Variants in IL1RAPL2 observed in about 807,000 individuals in gnomAD.
IL1RAPL2 encodes the protein interleukin 1 receptor accessory protein like 2.
Under a neutral mutation model 44.1 loss-of-function variants are expected in IL1RAPL2, and 3 were observed. That is an observed-to-expected ratio of 0.07 (90% CI 0.03 to 0.18). The LOEUF is 0.18. Among genes scored for constraint, IL1RAPL2 ranks in the 10% least tolerant of loss-of-function variants. The pLI, the probability that IL1RAPL2 is intolerant of heterozygous loss-of-function variation, is 1.00. For synonymous variants in IL1RAPL2, 181 were observed against 178.8 expected, an observed-to-expected ratio of 1.01 and a Z score of -0.10; for missense variants, 391 against 496.4, an observed-to-expected ratio of 0.79 and a Z score of 2.02.
At chrX:104,695,827 A>G (rs766989370) in intron 2 of IL1RAPL2, among the ~76,000 whole-genome samples, 14 of 110,862 alleles carry the variant, frequency 1.3e-4, no homozygotes, top group Non-Finnish European at 2.1e-4. Flanking sequence ...TTTCGTTTTG[A>G]GATGGCGTCT....
chrX:105,089,017 C>G (rs2032510474), intron 2 of IL1RAPL2, among the ~76,000 whole-genome samples: 1 of 111,345 alleles, frequency 9.0e-6, no homozygotes, highest in South Asian at 3.8e-4. Flanking sequence ...ACCTTCACAT[C>G]TCTTCTAAAG....
At chrX:104,740,585 T>C (rs1233793648) in intron 2 of IL1RAPL2, among the ~76,000 whole-genome samples, 1 of 111,299 alleles carries the variant, frequency 9.0e-6, no homozygotes, top group Non-Finnish European at 1.9e-5. Context: ...TATCTACCTT[T>C]CCTTTTTGTT....
At chrX:104,569,438 CT>C (rs1453338099) in intron 1 of IL1RAPL2, among the ~76,000 whole-genome samples, 5 of 111,778 alleles carry the variant, frequency 4.5e-5, no homozygotes, top group African/African-American at 1.6e-4. Flanking sequence ...GTAGAACATT[CT>C]TGTTTGCCAA....
intron 2 of IL1RAPL2, among the ~76,000 whole-genome samples, chrX:104,775,507 G>A (rs1256712270): frequency 1.8e-5 from 2 of 111,939 alleles, no homozygotes; most frequent in Non-Finnish European, 3.8e-5. Flanking sequence ...CATTTCTGAA[G>A]GGTTTTGTTG....
Position 104,644,149 on chromosome X carries a change from TA to T in IL1RAPL2, c.-19-14745del, listed in dbSNP as rs1929989826. 2.7e-5 allele frequency among the ~76,000 whole-genome samples: 3 copies of T among 111,638 alleles called. No homozygotes were observed. The Admixed American group carries it at 2.9e-4, about 11-fold the overall frequency. On this transcript the variant is annotated intron_variant, in intron 1 of 10. Transcript: ENST00000372582. Reference sequence around the variant, plus strand: ...GGGTACATGTGCACAATATGCAGGTTAGTTACATATGTATACATATTAAAGT... The same window carrying T: ...GGGTACATGTGCACAATATGCAGGTTGTTACATATGTATACATATTAAAGT...
intron 6 of IL1RAPL2, among the ~76,000 whole-genome samples, chrX:105,541,895 T>G (rs2036739428): frequency 9.0e-6 from 1 of 111,287 alleles, no homozygotes; most frequent in Admixed American, 9.6e-5. Context: ...CAAGCCACTA[T>G]CATTCCCACC....
At chrX:104,811,186 GA>G (rs1307180078) in intron 2 of IL1RAPL2, among the ~76,000 whole-genome samples, 1 of 109,607 alleles carries the variant, frequency 9.1e-6, no homozygotes, top group Non-Finnish European at 1.9e-5. Flanking sequence ...AAAAGTAACA[GA>G]AAAAAAACCC....
intron 6 of IL1RAPL2, among the ~76,000 whole-genome samples, chrX:105,690,520 G>T (rs911625003): frequency 2.7e-5 from 3 of 111,566 alleles, no homozygotes; most frequent in African/African-American, 9.7e-5. Context: ...TGATAAATCA[G>T]AAAAGACATA....
chrX:105,333,178 A>G (rs779114920), intron 5 of IL1RAPL2, among the ~76,000 whole-genome samples: 1 of 111,457 alleles, frequency 9.0e-6, no homozygotes, highest in Non-Finnish European at 1.9e-5. Context: ...ACATAGGCCA[A>G]TGGAACAGAA....
In IL1RAPL2 at chrX:104,701,648, C is replaced by T. The variant is rs1396501500; in HGVS notation, c.82+42653C>T. Among the ~76,000 whole-genome samples, 6 of 111,679 alleles carry T rather than the reference C, an allele frequency of 5.4e-5. No homozygotes were observed. The East Asian group carries it at 1.4e-3, about 26-fold the overall frequency. The stretch of plus-strand genomic sequence containing the variant: ...TCATGATGGATGCTAAATCTTCCAA[C>T]GGAGCCATGAAGGTCCATTGGCTAA... On this transcript the variant is annotated intron_variant, in intron 2 of 10. Coordinates refer to ENST00000372582, the MANE Select transcript of IL1RAPL2 (RefSeq NM_017416.2).
chrX:104,816,976 A>C (rs1303779227), intron 2 of IL1RAPL2, among the ~76,000 whole-genome samples: 1 of 112,943 alleles, frequency 8.9e-6, no homozygotes, highest in East Asian at 2.8e-4. Flanking sequence ...ACATTTATTT[A>C]ACGTATGTAC....
At chrX:105,080,319 C>T (rs1234249348) in intron 2 of IL1RAPL2, among the ~76,000 whole-genome samples, 1 of 111,775 alleles carries the variant, frequency 8.9e-6, no homozygotes, top group Non-Finnish European at 1.9e-5. Flanking sequence ...AATGTTATTG[C>T]CTAGGTTTTC....
chrX:105,551,331 C>A (rs1256419457), intron 6 of IL1RAPL2, among the ~76,000 whole-genome samples: 5 of 109,687 alleles, frequency 4.6e-5, no homozygotes, highest in Non-Finnish European at 9.5e-5. Flanking sequence ...ACATTAGTAC[C>A]CAGTCTTCAC....
intron 2 of IL1RAPL2, among the ~76,000 whole-genome samples, chrX:104,977,370 G>C (rs897205129): frequency 1.8e-5 from 2 of 112,000 alleles, no homozygotes; most frequent in East Asian, 2.8e-4. Flanking sequence ...ATCTGGAAAG[G>C]GCCTTTGGTT....
chrX:105,230,967 C>T (rs2034064513), intron 3 of IL1RAPL2, among the ~76,000 whole-genome samples: 1 of 112,272 alleles, frequency 8.9e-6, no homozygotes, highest in African/African-American at 3.2e-5. Flanking sequence ...TAGCTTCTTT[C>T]AGAGCATTGA....
rs750499998 is a variant in IL1RAPL2, at chrX:104,819,515, TC to T, written c.82+160521del. On this transcript the variant is annotated intron_variant, in intron 2 of 10. Transcript: ENST00000372582. ...TTATATCATGGGAGGATGGGAGGTT[TC>T]TTTGATTATCATATGGATGAAAAGA... 2.7e-5 allele frequency among the ~76,000 whole-genome samples: 3 copies of T among 112,121 alleles called. No individual in the cohort carries two copies. The Admixed American group carries it at 2.8e-4, about 11-fold the overall frequency.
chrX:104,581,429 T>C (rs978667764), intron 1 of IL1RAPL2, among the ~76,000 whole-genome samples: 1 of 112,151 alleles, frequency 8.9e-6, no homozygotes, highest in Non-Finnish European at 1.9e-5. Context: ...TATTTGTGTG[T>C]GCATACTTTT....
chrX:104,963,980 G>T (rs2030062690), intron 2 of IL1RAPL2, among the ~76,000 whole-genome samples: 3 of 109,266 alleles, frequency 2.7e-5, no homozygotes, highest in Admixed American at 2.0e-4. Flanking sequence ...TATGCAATCA[G>T]ATATGACCCT....
At chrX:105,529,065 T>G (rs1311501444) in intron 6 of IL1RAPL2, among the ~76,000 whole-genome samples, 2 of 111,715 alleles carry the variant, frequency 1.8e-5, no homozygotes, top group Non-Finnish European at 3.8e-5. Context: ...TTTCATGACA[T>G]TGACATTTTT....
Sources: allele counts gnomAD v4.1 joint callset (sites outside exome capture counted in the v4.1 genomes callset), GRCh38; gene constraint gnomAD v4.1.1; transcripts MANE v1.5; gene names NCBI Gene and HGNC (gene_info 2026-07-23, HGNC 2026-07-21).